Variants in DCDC2C observed in about 807,000 individuals in gnomAD.
DCDC2C encodes the protein doublecortin domain-containing protein 2C.
Under a neutral mutation model 45.0 loss-of-function variants are expected in DCDC2C, and 44 were observed. The observed-to-expected ratio is 0.98, with a 90% CI of 0.77 to 1.26. DCDC2C has a LOEUF of 1.26. Among genes scored for constraint, DCDC2C ranks in the 50% most tolerant of loss-of-function variants. DCDC2C has a pLI of 0.00. For missense variants in DCDC2C, 447 were observed against 468.9 expected (o/e 0.95, Z 0.43); for synonymous variants, 187 against 178.8 (o/e 1.05, Z -0.37).
intron 10 of DCDC2C, among the ~76,000 whole-genome samples, chr2:3,829,212 G>A (rs1181204285): frequency 6.6e-6 from 1 of 151,728 alleles, no homozygotes; most frequent in Non-Finnish European, 1.5e-5. Flanking sequence ...TGTGCTGTGA[G>A]CCTGAGAATC....
intron 10 of DCDC2C, among the ~76,000 whole-genome samples, chr2:3,838,259 G>A (rs757753174): frequency 2.0e-5 from 3 of 151,958 alleles, no homozygotes; most frequent in African/African-American, 2.4e-5. Context: ...GAATTGGAGC[G>A]GGGCATTAGA....
rs376832410 is a variant in DCDC2C, at chr2:3,792,000, T to A, written c.1065+6900T>A. The stretch of plus-strand genomic sequence containing the variant: ...TTCATTTATTAGTTCATTTTTTTTT[T>A]AATTCACCAGTTATCCACAATATTA... On this transcript the variant is annotated intron_variant, in intron 10 of 10. Coordinates refer to ENST00000399143, the MANE Select transcript of DCDC2C (RefSeq NM_001287444.2). Among the ~76,000 whole-genome samples the A allele has an allele frequency of 3.9e-4, 59 of 149,696 alleles. 1 individual carries two copies. In the East Asian group the frequency reaches 8.0e-3, roughly 20 times the overall value.
Position 3,752,968 on chromosome 2 carries a change from C to T in DCDC2C, c.683+68C>T, listed in dbSNP as rs1052627668. The T allele has an allele frequency of 1.1e-4, 159 of 1,473,870 alleles. 1 individual carries two copies. The Middle Eastern group carries it at 1.6e-3, about 15-fold the overall frequency. The allele number at this position is 1,473,870 out of a possible 1,614,324, so 91.3% of individuals were successfully genotyped here. ...AATTAGCCTTTTCCCCAGTATCTCTCCCAAATAGGTCCAGTTCAGCTATTG... is the reference window on the plus strand; with the variant it reads ...AATTAGCCTTTTCCCCAGTATCTCTTCCAAATAGGTCCAGTTCAGCTATTG... On this transcript the variant is annotated intron_variant, in intron 5 of 10. Coordinates refer to ENST00000399143, the MANE Select transcript of DCDC2C (RefSeq NM_001287444.2).
intron 8 of DCDC2C, among the ~76,000 whole-genome samples, chr2:3,774,572 G>A (rs559102276): frequency 1.1e-4 from 17 of 152,268 alleles, no homozygotes; most frequent in African/African-American, 2.2e-4. Context: ...AGACTGCACC[G>A]TTTAAACGGT....
intron 6 of DCDC2C, among the ~76,000 whole-genome samples, chr2:3,758,769 C>T (rs1669797316): frequency 6.6e-6 from 1 of 152,192 alleles, no homozygotes; most frequent in Non-Finnish European, 1.5e-5. Flanking sequence ...GCGGAAGGTT[C>T]GCTGGATTGG....
chr2:3,752,575 A>G (rs1289106081), intron 4 of DCDC2C, 188 bp from the exon 5 acceptor site: 2 of 712,650 alleles, frequency 2.8e-6, no homozygotes, highest in Non-Finnish European at 5.0e-6. Context: ...AGTGGAAAGC[A>G]AGTCTAATCC....
At chr2:3,836,827 A>AGT (rs1672088889) in intron 10 of DCDC2C, among the ~76,000 whole-genome samples, 1 of 144,436 alleles carries the variant, frequency 6.9e-6, no homozygotes, top group Non-Finnish European at 1.5e-5. Flanking sequence ...GCGCCACTGC[A>AGT]CTCCAGCCTG....
intron 10 of DCDC2C, among the ~76,000 whole-genome samples, chr2:3,829,182 G>A (rs537601947): frequency 6.6e-5 from 10 of 152,088 alleles, no homozygotes; most frequent in South Asian, 2.1e-4. Flanking sequence ...CCGCTTCACC[G>A]CTTCTTCTCA....
At chr2:3,726,636 C>A (rs79388682) in intron 2 of DCDC2C, among the ~76,000 whole-genome samples, 3,360 of 152,344 alleles carry the variant, frequency 0.022, 39 homozygotes, top group Non-Finnish European at 0.033. Flanking sequence ...CAGCAAAGCT[C>A]CTCGGCATAG....
At chr2:3,821,691 A>G (rs1019892904) in intron 10 of DCDC2C, among the ~76,000 whole-genome samples, 2 of 152,138 alleles carry the variant, frequency 1.3e-5, no homozygotes, top group African/African-American at 4.8e-5. Flanking sequence ...ACATTGATTG[A>G]TTTTTCAAAT....
chr2:3,759,575 C>T lies in DCDC2C; in HGVS notation c.726+4941C>T, dbSNP rs573050409. On this transcript the variant is annotated intron_variant, in intron 6 of 10. Transcript: ENST00000399143. ...ACCGACCTCAGGATTCCAGGGATGGCGGGAGGGTGGTGCATTCAGGAGCCA... is the reference window on the plus strand; with the variant it reads ...ACCGACCTCAGGATTCCAGGGATGGTGGGAGGGTGGTGCATTCAGGAGCCA... Among the ~76,000 whole-genome samples the T allele has an allele frequency of 7.2e-5, 11 of 152,088 alleles. No individual in the cohort carries two copies. The South Asian group carries it at 8.3e-4, about 11-fold the overall frequency.
At chr2:3,732,932 G>A (rs1264240672) in intron 3 of DCDC2C, among the ~76,000 whole-genome samples, 2 of 152,188 alleles carry the variant, frequency 1.3e-5, no homozygotes, top group Non-Finnish European at 2.9e-5. Context: ...GGGTGTAATG[G>A]CAATGCAGTC....
intron 8 of DCDC2C, among the ~76,000 whole-genome samples, chr2:3,776,271 T>G (rs1401462961): frequency 3.3e-5 from 5 of 152,222 alleles, no homozygotes; most frequent in African/African-American, 9.7e-5. Context: ...AACTCTTTCT[T>G]GGTCTCAGTC....
chr2:3,756,064 G>A (rs962719586), intron 6 of DCDC2C, among the ~76,000 whole-genome samples: 117 of 151,934 alleles, frequency 7.7e-4, no homozygotes, highest in Middle Eastern at 6.8e-3. Flanking sequence ...GTACCTATGT[G>A]TATGGATGCA....
intron 10 of DCDC2C, among the ~76,000 whole-genome samples, chr2:3,798,312 G>A (rs1215643496): frequency 6.6e-6 from 1 of 151,342 alleles, no homozygotes; most frequent in Non-Finnish European, 1.5e-5. Flanking sequence ...GATGGGTCTT[G>A]ACTCTTTATC....
chr2:3,722,580 C>A (rs1463719549), intron 2 of DCDC2C, among the ~76,000 whole-genome samples: 12 of 152,196 alleles, frequency 7.9e-5, no homozygotes, highest in Admixed American at 7.9e-4. Context: ...GTCTAAAGCT[C>A]ATGGCGTCCT....
At chr2:3,774,359 A>G (rs969027814) in intron 8 of DCDC2C, among the ~76,000 whole-genome samples, 5 of 152,258 alleles carry the variant, frequency 3.3e-5, no homozygotes, top group African/African-American at 1.2e-4. Context: ...CAGGCCACCT[A>G]ACAGAAGGAC....
At chr2:3,822,767 C>T (rs1245077918) in intron 10 of DCDC2C, among the ~76,000 whole-genome samples, 2 of 152,000 alleles carry the variant, frequency 1.3e-5, no homozygotes, top group Non-Finnish European at 2.9e-5. Flanking sequence ...TAAAGCTATA[C>T]ATTTCTAATA....
Position 3,838,913 on chromosome 2 carries a change from G to T in DCDC2C, c.1066-8241G>T, listed in dbSNP as rs145410328. Among the ~76,000 whole-genome samples the T allele has an allele frequency of 7.1e-3, 1,082 of 152,252 alleles. 10 individuals carry two copies. Among genetic ancestry groups the T allele is most frequent in the African/African-American group, 0.025 (1,026 of 41,538 alleles). On this transcript the variant is annotated intron_variant, in intron 10 of 10. Transcript: ENST00000399143. Reference sequence around the variant, plus strand: ...TAGGTTGCAACTTATATCAAATGGTGGGTTTATGATTTATATTTATTTCTG... The same window carrying T: ...TAGGTTGCAACTTATATCAAATGGTTGGTTTATGATTTATATTTATTTCTG...
Sources: allele counts gnomAD v4.1 joint callset (sites outside exome capture counted in the v4.1 genomes callset), GRCh38; gene constraint gnomAD v4.1.1; transcripts MANE v1.5; gene names NCBI Gene and HGNC (gene_info 2026-07-23, HGNC 2026-07-21).